TBC1D32: variants seen among roughly 807,000 people sequenced by gnomAD.
TBC1D32 encodes TBC1 domain family member 32.
In TBC1D32, 151 loss-of-function variants were observed where a neutral mutation model predicts 170.3. That is an observed-to-expected ratio of 0.89 (90% confidence interval 0.78 to 1.01). The LOEUF (loss-of-function observed/expected upper bound fraction) is 1.01, where lower values mean the gene tolerates loss of function less well. Ranked by LOEUF, TBC1D32 falls within the 50% of genes least tolerant of loss-of-function variation. TBC1D32 has a pLI of 0.00. For synonymous variants in TBC1D32, 498 were observed against 488.0 expected (o/e 1.02, Z -0.27); for missense variants, 1,464 against 1,457.1 (o/e 1.00, Z -0.08).
At chr6:121,275,677 T>A (rs1303206476) in intron 15 of TBC1D32, among the ~76,000 whole-genome samples, 2 of 152,162 alleles carry the variant, frequency 1.3e-5, no homozygotes, top group Non-Finnish European at 2.9e-5. Flanking sequence ...AAAATTCAAC[T>A]ATTTTGAAAA....
chr6:121,260,026 TA>T (rs1799559471), intron 15 of TBC1D32, among the ~76,000 whole-genome samples: 1 of 152,146 alleles, frequency 6.6e-6, no homozygotes, highest in South Asian at 2.1e-4. Context: ...ACTAGGCTTA[TA>T]CTCCTCAGGC....
intron 24 of TBC1D32, among the ~76,000 whole-genome samples, chr6:121,158,913 G>C (rs919897430): frequency 1.3e-5 from 2 of 151,998 alleles, no homozygotes; most frequent in African/African-American, 4.8e-5. Context: ...AAACACCTGA[G>C]TTTGATCTCC....
intron 24 of TBC1D32, among the ~76,000 whole-genome samples, chr6:121,139,207 TG>T (rs1047549039): frequency 6.6e-6 from 1 of 152,180 alleles, no homozygotes; most frequent in African/African-American, 2.4e-5. Context: ...TTTAGTTGAT[TG>T]GGGGGAATTA....
At chr6:121,102,818 G>A (rs1038564729) in intron 30 of TBC1D32, among the ~76,000 whole-genome samples, 5 of 152,082 alleles carry the variant, frequency 3.3e-5, no homozygotes, top group African/African-American at 7.2e-5. Context: ...CAGAATGAGA[G>A]AAAATTTTTG....
At chr6:121,173,297 T>C (rs1243707578) in intron 22 of TBC1D32, among the ~76,000 whole-genome samples, 3 of 152,144 alleles carry the variant, frequency 2.0e-5, no homozygotes, top group East Asian at 3.9e-4. Context: ...ACTGGCTTCC[T>C]TGCTCTTTGC....
chr6:121,194,995 C>T (rs1484333801), intron 22 of TBC1D32, among the ~76,000 whole-genome samples: 1 of 152,170 alleles, frequency 6.6e-6, no homozygotes, highest in Non-Finnish European at 1.5e-5. Context: ...TGGGGCCTGT[C>T]GAGATATTAC....
intron 9 of TBC1D32, among the ~76,000 whole-genome samples, chr6:121,302,180 T>C (rs1017161910): frequency 6.6e-6 from 1 of 152,176 alleles, no homozygotes; most frequent in Admixed American, 6.5e-5. Context: ...GATTAAATTC[T>C]GCCTAGACCC....
intron 21 of TBC1D32, among the ~76,000 whole-genome samples, chr6:121,216,364 A>G (rs777364511): frequency 2.6e-5 from 4 of 152,096 alleles, no homozygotes; most frequent in Non-Finnish European, 5.9e-5. Flanking sequence ...GTGTAAGTTA[A>G]TATTTAATAT....
intron 10 of TBC1D32, among the ~76,000 whole-genome samples, chr6:121,298,394 G>T (rs1583631915): frequency 6.6e-6 from 1 of 152,044 alleles, no homozygotes; most frequent in Admixed American, 6.5e-5. Context: ...AACCTTATTT[G>T]AAATACTTTC....
chr6:121,315,446 TG>T (rs1207043613), intron 3 of TBC1D32, among the ~76,000 whole-genome samples: 1 of 152,206 alleles, frequency 6.6e-6, no homozygotes, highest in Non-Finnish European at 1.5e-5. Flanking sequence ...ATCTCCCCTT[TG>T]TTCTTCAATA....
At chr6:121,202,524 T>C (rs1024349995) in intron 22 of TBC1D32, among the ~76,000 whole-genome samples, 1 of 151,296 alleles carries the variant, frequency 6.6e-6, no homozygotes, top group African/African-American at 2.5e-5. Context: ...CAATGTCAAA[T>C]CAAAGTGAGT....
At position 121,292,414 on chromosome 6, in the gene TBC1D32, T is replaced by G. The variant is rs538791678; in HGVS notation, c.1232-221A>C. Among the ~76,000 whole-genome samples, 48 of 152,258 alleles carry G rather than the reference T, an allele frequency of 3.2e-4. 1 individual carries two copies. The highest frequency in any genetic ancestry group is 2.4e-4 in the Non-Finnish European group (16 of 68,016). On this transcript the variant is annotated intron_variant, in intron 11 of 31. Transcript: ENST00000398212. ...CTTAAAAAGCAGCCTCAGAAAAGAA[T>G]AGTATACATATAGTGTCCATTCTAA... is the stretch of plus-strand genomic sequence containing the variant.
At chr6:121,214,626 C>T (rs1793581842) in intron 21 of TBC1D32, among the ~76,000 whole-genome samples, 2 of 152,184 alleles carry the variant, frequency 1.3e-5, no homozygotes, top group South Asian at 4.1e-4. Flanking sequence ...ATGCCAGGAA[C>T]CACAGAGCCC....
At chr6:121,285,341 T>C (rs1020084972) in intron 12 of TBC1D32, among the ~76,000 whole-genome samples, 10 of 152,178 alleles carry the variant, frequency 6.6e-5, no homozygotes, top group Non-Finnish European at 1.2e-4. Context: ...TGTCCTCTCC[T>C]GGTTGAGTCA....
chr6:121,117,818 A>C (rs1445463744), intron 26 of TBC1D32, among the ~76,000 whole-genome samples: 3 of 152,200 alleles, frequency 2.0e-5, no homozygotes, highest in Non-Finnish European at 4.4e-5. Context: ...TAACTTAGCA[A>C]GCAAATTTTA....
chr6:121,270,162 A>G (rs1488514943), intron 15 of TBC1D32, among the ~76,000 whole-genome samples: 1 of 152,190 alleles, frequency 6.6e-6, no homozygotes, highest in Non-Finnish European at 1.5e-5. Flanking sequence ...AGAAAGCAGG[A>G]AAGATTTAAA....
At chr6:121,324,948 G>A (rs1367429473) in intron 1 of TBC1D32, among the ~76,000 whole-genome samples, 2 of 152,172 alleles carry the variant, frequency 1.3e-5, no homozygotes, top group Admixed American at 6.5e-5. Context: ...AGCGGCTCAC[G>A]CCTGTAATCC....
At chr6:121,256,575 G>T (rs1799050892) in intron 15 of TBC1D32, among the ~76,000 whole-genome samples, 1 of 152,164 alleles carries the variant, frequency 6.6e-6, no homozygotes, top group Non-Finnish European at 1.5e-5. Context: ...CAATTCTACA[G>T]TGAAAACATA....
chr6:121,268,827 A>C (rs2128420177), intron 15 of TBC1D32, among the ~76,000 whole-genome samples: 1 of 152,300 alleles, frequency 6.6e-6, no homozygotes, highest in South Asian at 2.1e-4. Context: ...ACCAAAGTTC[A>C]AATGAAGGAA....
Sources: allele counts gnomAD v4.1 joint callset (sites outside exome capture counted in the v4.1 genomes callset), GRCh38; gene constraint gnomAD v4.1.1; transcripts MANE v1.5; gene names NCBI Gene and HGNC (gene_info 2026-07-23, HGNC 2026-07-21).